Variants in ZNF23 observed in about 807,000 individuals in gnomAD.
ZNF23 encodes the protein zinc finger protein 23, also known as kruppel-like zinc finger factor X31.
ZNF23 carries 48 observed loss-of-function variants against 56.2 expected under a neutral mutation model. The ratio of observed to expected loss-of-function variants is 0.85; its 90% confidence interval spans 0.68 to 1.09. The LOEUF is 1.09. ZNF23 is among the 50% of genes least tolerant of loss of function. ZNF23 has a pLI of 0.00. For missense variants in ZNF23, 805 were observed against 811.4 expected (o/e 0.99, Z 0.10); for synonymous variants, 266 against 283.3 (o/e 0.94, Z 0.61).
chr16:71,458,183 TGA>T (rs753845658), intron 1 of ZNF23, among the ~76,000 whole-genome samples: 1 of 152,222 alleles, frequency 6.6e-6, no homozygotes, highest in Non-Finnish European at 1.5e-5. Context: ...CGTCAGCTCC[TGA>T]GAGAGGAGAT....
At chr16:71,460,135 G>A (rs2043388479) in intron 1 of ZNF23, among the ~76,000 whole-genome samples, 1 of 152,192 alleles carries the variant, frequency 6.6e-6, no homozygotes. Context: ...TCGTTTAAAT[G>A]CAGTAGGCAA....
chr16:71,460,125 T>C (rs1367819266), intron 1 of ZNF23, among the ~76,000 whole-genome samples: 3 of 152,192 alleles, frequency 2.0e-5, no homozygotes, highest in African/African-American at 7.2e-5. Flanking sequence ...AAAAGTCTCA[T>C]CGTTTAAATG....
At chr16:71,460,162 C>G (rs2043389648) in intron 1 of ZNF23, among the ~76,000 whole-genome samples, 1 of 152,164 alleles carries the variant, frequency 6.6e-6, no homozygotes, top group Non-Finnish European at 1.5e-5. Context: ...AGAAAATTCT[C>G]TAAAAAGTAC....
intron 1 of ZNF23, among the ~76,000 whole-genome samples, chr16:71,457,088 TTTAAAAATAAACAAATAAAAA>T (rs2043260254): frequency 2.0e-5 from 3 of 152,034 alleles, no homozygotes; most frequent in Admixed American, 2.0e-4. Context: ...ATATATAAAA[TTTAAAAATAAACAAATAAAAA>T]TTAAAAATAA....
At chr16:71,449,920 GA>G in intron 4 of ZNF23, 35 bp from the exon 5 acceptor site, 1 of 1,506,086 alleles carries the variant, frequency 6.6e-7, no homozygotes, top group Non-Finnish European at 8.9e-7. Context: ...TGTCATGTAA[GA>G]ACCATGTTAG....
chr16:71,458,087 G>A (rs1208598320), intron 1 of ZNF23, among the ~76,000 whole-genome samples: 1 of 152,154 alleles, frequency 6.6e-6, no homozygotes, highest in East Asian at 1.9e-4. Context: ...GCTGTCCTTA[G>A]GAAGCTGAGC....
Position 71,448,296 on chromosome 16 carries a change from G to GA in ZNF23, c.1857dup (p.Arg620SerfsTer24). On this transcript the variant is annotated frameshift_variant, in exon 5 of 5. Transcript: ENST00000647773. LOFTEE classifies it high-confidence loss of function. Reference sequence around the variant, plus strand: ...TCCCCAGTGTGGCTTCTCTGATGCCGAATTAAATGGGCATTAACATGGAAG... The same window carrying GA: ...TCCCCAGTGTGGCTTCTCTGATGCCGAAATTAAATGGGCATTAACATGGAAG... 7 of 1,613,984 alleles carry GA rather than the reference G, an allele frequency of 4.3e-6. No homozygotes were observed. The highest frequency in any genetic ancestry group is 5.9e-6 in the Non-Finnish European group (7 of 1,180,000).
chr16:71,452,677 CATT>C (rs1274967128), intron 4 of ZNF23: 1 of 152,356 alleles, frequency 6.6e-6, no homozygotes, highest in Non-Finnish European at 1.5e-5. Flanking sequence ...ACTGAGCACA[CATT>C]ATAAGCTAGG....
chr16:71,449,801 GAA>G lies in ZNF23; in HGVS notation c.351_352del (p.Ser118ProfsTer32), dbSNP rs1450809169. On this transcript the variant is annotated frameshift_variant, in exon 5 of 5. Coordinates refer to ENST00000647773, the MANE Select transcript of ZNF23 (RefSeq NM_001381984.1). LOFTEE classifies it high-confidence loss of function. ...GGCTTCTGAAAAGTCTGTTTCCTGG[GAA>G]AAGTCTCTTTGAAGTTCAAATGATA... The G allele has an allele frequency of 1.2e-6, 2 of 1,613,780 alleles. No individual in the cohort carries two copies. The highest frequency in any genetic ancestry group is 1.7e-5 in the Admixed American group (1 of 59,972).
chr16:71,456,801 T>C lies in ZNF23; in HGVS notation c.-5A>G, dbSNP rs2043249312. 9 of 985,890 alleles carry C rather than the reference T, an allele frequency of 9.1e-6. No homozygotes were observed. Among genetic ancestry groups the C allele is most frequent in the African/African-American group, 1.7e-5 (1 of 57,212 alleles). 61.1% of individuals were successfully genotyped at this position (985,890 alleles called of 1,614,324 possible). Reference sequence around the variant, plus strand: ...TGTCAGGTGCATGGCTGCCATCCCCTGGTCCCCGTCTCAGAGAAGGGCTGG... The same window carrying C: ...TGTCAGGTGCATGGCTGCCATCCCCCGGTCCCCGTCTCAGAGAAGGGCTGG... On this transcript the variant is annotated 5_prime_UTR_variant, in exon 2 of 5. Coordinates refer to ENST00000647773, the MANE Select transcript of ZNF23 (RefSeq NM_001381984.1).
chr16:71,448,694 C>T lies in ZNF23; in HGVS notation c.1460G>A (p.Gly487Glu), dbSNP rs746085689. 2.5e-6 allele frequency: 4 copies of T among 1,614,248 alleles called. No individual in the cohort carries two copies. The South Asian group carries it at 4.4e-5, about 18-fold the overall frequency. ...CTCATTACACTCATAGGGCTTCTCC[C>T]CAGTGTGAATTCTCAGATGCTGCCG... ...QFRQHLRIHT[G>E]EKPYECNECG... Residue 487 changes from glycine (G) to glutamate (E), a missense_variant, in exon 5 of 5, where the codon GGG (glycine) becomes GAG (glutamate). Transcript: ENST00000647773.
chr16:71,448,177 A>G lies in ZNF23; in HGVS notation c.1977T>C (p.Tyr659=). The G allele has an allele frequency of 6.2e-7, 1 of 1,614,226 alleles. No homozygotes were observed. Among genetic ancestry groups the G allele is most frequent in the Non-Finnish European group, 8.5e-7 (1 of 1,180,036 alleles). ...ATGCTTTCCCACACACACTACACAT[A>G]TAGGGTTTCTTCCAAGTGTGGACTG... ...HQTVHTWKKP[Y]MCSVCGKAFR... Residue 659 remains tyrosine (Y), a synonymous_variant, in exon 5 of 5, where the codon TAT becomes TAC. Transcript: ENST00000647773.
In ZNF23 at chr16:71,462,211, T is replaced by G. The variant is rs926815611; in HGVS notation, c.-34A>C. ...CAGCGCCCGGAGCCCTGCACTCACC[T>G]CCGTAGCGGACTGCTCCCCGGCGCT... On this transcript the variant is annotated splice_region_variant and 5_prime_UTR_variant, in exon 1 of 5. Transcript: ENST00000647773. 1 of 152,276 alleles carries G rather than the reference T, an allele frequency of 6.6e-6. No individual in the cohort carries two copies. The highest frequency in any genetic ancestry group is 1.5e-5 in the Non-Finnish European group (1 of 68,126). 9.4% of individuals were successfully genotyped at this position (152,276 alleles called of 1,614,324 possible).
In ZNF23 at chr16:71,449,270, T is replaced by C. The variant is rs775729400; in HGVS notation, c.884A>G (p.Tyr295Cys). ...GGCCTTCCCACACATCTTACACTGA[T>C]AGGGCTTCTCCCCACTGTGGATTGT... ...HQTIHSGEKP[Y>C]QCKMCGKAFS... The change falls in exon 5 of 5, where the codon TAT becomes TGT. Residue 295 changes from tyrosine (Y) to cysteine (C), a missense_variant. Tyr to Cys is a radical substitution (Grantham distance 194). Transcript: ENST00000647773. 6.8e-6 allele frequency: 11 copies of C among 1,614,124 alleles called. No homozygotes were observed. The South Asian group carries it at 7.7e-5, about 11-fold the overall frequency.
chr16:71,449,748 G>T lies in ZNF23; in HGVS notation c.406C>A (p.His136Asn). The T allele has an allele frequency of 6.2e-7, 1 of 1,614,050 alleles. No individual in the cohort carries two copies. Among genetic ancestry groups the T allele is most frequent in the Non-Finnish European group, 8.5e-7 (1 of 1,180,010 alleles). ...ASLLEKQQEV[H>N]SAGNIKKEKS... Reference sequence around the variant, plus strand: ...TCCTTCTTTATATTTCCTGCTGAGTGGACTTCCTGTTGTTTCTCTAGAAGA... The same window carrying T: ...TCCTTCTTTATATTTCCTGCTGAGTTGACTTCCTGTTGTTTCTCTAGAAGA... The change falls in exon 5 of 5, where the codon CAC (histidine) becomes AAC (asparagine). Residue 136 changes from histidine (H) to asparagine (N), a missense_variant. His to Asn is a moderately conservative substitution (Grantham distance 68). Transcript: ENST00000647773.
chr16:71,452,302 C>G (rs566566783), intron 4 of ZNF23: 1 of 151,996 alleles, frequency 6.6e-6, no homozygotes, highest in East Asian at 1.9e-4. Flanking sequence ...GAATAAAAAC[C>G]TACAGAAACC....
intron 4 of ZNF23, chr16:71,450,826 A>G (rs2043034802): frequency 3.4e-6 from 1 of 295,324 alleles, no homozygotes; most frequent in African/African-American, 2.3e-5. Flanking sequence ...GTTTCTTCTT[A>G]GTTGTTCCTA....
At chr16:71,456,408 T>C (rs909885615) in intron 2 of ZNF23, among the ~76,000 whole-genome samples, 10 of 152,076 alleles carry the variant, frequency 6.6e-5, no homozygotes, top group African/African-American at 2.4e-4. Context: ...CCACCACAGA[T>C]AGTCCAATCC....
At position 71,455,060 on chromosome 16, in the gene ZNF23, G is replaced by C. The variant is rs189431708; in HGVS notation, c.34-892C>G. Among the ~76,000 whole-genome samples the C allele has an allele frequency of 2.0e-5, 3 of 152,266 alleles. No homozygotes were observed. In the East Asian group the frequency reaches 5.8e-4, roughly 29 times the overall value. On this transcript the variant is annotated intron_variant, in intron 2 of 4. Coordinates refer to ENST00000647773, the MANE Select transcript of ZNF23 (RefSeq NM_001381984.1). ...TCTGCTGCTCAACTCCTCTCTGCTA[G>C]GATGTGTCTTCCTGGAATTTACTGA...
Sources: gnomAD v4.1 joint callset for allele counts (sites outside exome capture counted in the v4.1 genomes callset) on GRCh38, gnomAD v4.1.1 for gene constraint, MANE v1.5 for transcripts, NCBI Gene and HGNC (gene_info 2026-07-23, HGNC 2026-07-21) for gene names.